RANBP17: variants seen among roughly 807,000 people sequenced by gnomAD.
RANBP17 encodes ran-binding protein 17.
A neutral mutation model predicts 141.2 loss-of-function variants in RANBP17; 158 were observed. The observed-to-expected ratio is 1.12, with a 90% confidence interval of 0.98 to 1.28. RANBP17 has a LOEUF of 1.28. Among genes scored for constraint, RANBP17 ranks in the 50% most tolerant of loss-of-function variants. The probability of loss-of-function intolerance (pLI) is 0.00; values close to 1 mark genes in which losing one functional copy is unlikely to be tolerated. For missense variants in RANBP17, 1,438 were observed against 1,290.7 expected (o/e 1.11, Z -1.75); for synonymous variants, 430 against 450.0 (o/e 0.96, Z 0.56).
intron 13 of RANBP17, among the ~76,000 whole-genome samples, chr5:170,964,266 A>G (rs1196690908): frequency 6.6e-6 from 1 of 152,182 alleles, no homozygotes; most frequent in Admixed American, 6.5e-5. Flanking sequence ...GAAATGACAT[A>G]TGCAAGATTG....
At chr5:171,276,272 A>G (rs1288663773) in intron 25 of RANBP17, among the ~76,000 whole-genome samples, 2 of 152,232 alleles carry the variant, frequency 1.3e-5, no homozygotes, top group Non-Finnish European at 2.9e-5. Context: ...TCTCTTTTAA[A>G]TTAGCTTTTG....
rs181894382 is a variant in RANBP17, at chr5:171,187,111, T to C, written c.2038+3681T>C. Among the ~76,000 whole-genome samples, 82 of 152,194 alleles carry C rather than the reference T, an allele frequency of 5.4e-4. 1 individual carries two copies. Among genetic ancestry groups the C allele is most frequent in the Non-Finnish European group, 1.0e-3 (70 of 68,014 alleles). ...CACAGGGTTATTAATTGGCCTAATA[T>C]CAATATTGTTGTGTCTCAGAAAATA... On this transcript the variant is annotated intron_variant, in intron 18 of 27. Coordinates refer to ENST00000523189, the MANE Select transcript of RANBP17 (RefSeq NM_022897.5).
intron 14 of RANBP17, among the ~76,000 whole-genome samples, chr5:171,141,062 T>C (rs1757656683): frequency 6.6e-6 from 1 of 152,214 alleles, no homozygotes; most frequent in East Asian, 1.9e-4. Flanking sequence ...CATCTCTACC[T>C]GATTCTTCCT....
At chr5:171,298,088 C>T (rs541868425) in intron 27 of RANBP17, among the ~76,000 whole-genome samples, 18 of 152,140 alleles carry the variant, frequency 1.2e-4, no homozygotes, top group African/African-American at 4.1e-4. Flanking sequence ...AAACTCCTGA[C>T]GTCAGGTGAT....
In RANBP17 at chr5:170,922,938, T is replaced by G. The variant is rs184482695; in HGVS notation, c.1275-1419T>G. 4.7e-3 allele frequency among the ~76,000 whole-genome samples: 721 copies of G among 152,286 alleles called. 4 individuals carry two copies. The highest frequency in any genetic ancestry group is 0.017 in the African/African-American group (699 of 41,554). ...GGGCTGCAGACCAGAGCTGTTCCTA[T>G]TTGGCCATCTTGGAAGCCCTCCGCC... On this transcript the variant is annotated intron_variant, in intron 11 of 27. Transcript: ENST00000523189.
intron 14 of RANBP17, among the ~76,000 whole-genome samples, chr5:171,094,892 G>A (rs757715446): frequency 1.2e-4 from 19 of 152,114 alleles, no homozygotes; most frequent in African/African-American, 4.6e-4. Flanking sequence ...CAAAGTTTGT[G>A]TGTTTGAAAC....
In RANBP17 at chr5:170,902,011, T is replaced by A. The variant is rs139346385; in HGVS notation, c.489+5896T>A. ...ACGATTATGTGTCTTGGGGTTGCTC[T>A]TCTCTAGGAGTATCTTTGTGATGTT... On this transcript the variant is annotated intron_variant, in intron 5 of 27. Transcript: ENST00000523189. Among the ~76,000 whole-genome samples the A allele has an allele frequency of 9.3e-3, 1,420 of 152,322 alleles. 17 individuals carry two copies. The highest frequency in any genetic ancestry group is 0.013 in the Non-Finnish European group (888 of 68,020).
chr5:171,080,351 GCT>G (rs1439009606), intron 14 of RANBP17, among the ~76,000 whole-genome samples: 1 of 152,026 alleles, frequency 6.6e-6, no homozygotes, highest in African/African-American at 2.4e-5. Context: ...AGGACAAAGT[GCT>G]CTGACCTGTT....
chr5:171,241,330 C>T (rs1474970353), intron 23 of RANBP17, among the ~76,000 whole-genome samples, 188 bp downstream of exon 23: 2 of 149,410 alleles, frequency 1.3e-5, no homozygotes, highest in African/African-American at 4.9e-5. Flanking sequence ...GCATCTCTGC[C>T]TGATTATATA....
At chr5:171,183,514 A>G in intron 18 of RANBP17, 84 bp downstream of exon 18, 1 of 861,584 alleles carries the variant, frequency 1.2e-6, no homozygotes, top group South Asian at 1.5e-5. Flanking sequence ...AGTGGGTACA[A>G]CATTTAACTT....
intron 14 of RANBP17, among the ~76,000 whole-genome samples, chr5:171,158,889 G>T (rs1346525412): frequency 6.6e-6 from 1 of 152,040 alleles, no homozygotes. Context: ...AGGTGTTGGG[G>T]GTTAAAACAT....
chr5:171,169,798 T>C (rs1759969991), intron 14 of RANBP17, among the ~76,000 whole-genome samples: 1 of 151,976 alleles, frequency 6.6e-6, no homozygotes, highest in South Asian at 2.1e-4. Flanking sequence ...TTTCCAGCCC[T>C]TTGCATACCT....
chr5:171,101,600 A>C (rs1172608008), intron 14 of RANBP17, among the ~76,000 whole-genome samples: 1 of 152,122 alleles, frequency 6.6e-6, no homozygotes, highest in Non-Finnish European at 1.5e-5. Context: ...TTTACATTTA[A>C]GGTTAATATT....
chr5:170,981,101 T>A (rs1777737608), intron 14 of RANBP17, among the ~76,000 whole-genome samples: 1 of 151,964 alleles, frequency 6.6e-6, no homozygotes, highest in African/African-American at 2.4e-5. Flanking sequence ...GGGGCATGTA[T>A]CCCCCTTTGT....
At chr5:171,271,075 C>CCTTTTTTTTTTTTTTTTTTTTTTTT (rs1767076411) in intron 25 of RANBP17, 2 of 27,540 alleles carry the variant, frequency 7.3e-5, no homozygotes, top group Non-Finnish European at 1.4e-4. Flanking sequence ...TATGTTATTT[C>CCTTTTTTTTTTTTTTTTTTTTTTTT]TTTTTTTTTT....
intron 14 of RANBP17, among the ~76,000 whole-genome samples, chr5:171,130,745 A>G (rs1037597118): frequency 1.4e-4 from 21 of 152,270 alleles, no homozygotes; most frequent in African/African-American, 5.1e-4. Context: ...TTTGTAAAAT[A>G]TGTCAGGTGC....
At chr5:170,999,632 G>C (rs1289307974) in intron 14 of RANBP17, among the ~76,000 whole-genome samples, 3 of 152,126 alleles carry the variant, frequency 2.0e-5, no homozygotes, top group African/African-American at 7.2e-5. Context: ...AATTCTCAAA[G>C]ATAATTGAAA....
chr5:171,076,528 T>C (rs1411970220), intron 14 of RANBP17, among the ~76,000 whole-genome samples: 1 of 152,178 alleles, frequency 6.6e-6, no homozygotes, highest in Non-Finnish European at 1.5e-5. Context: ...GAACAAGGGC[T>C]CCTGGGAGAA....
At chr5:171,008,965 C>T (rs1252142188) in intron 14 of RANBP17, among the ~76,000 whole-genome samples, 1 of 152,152 alleles carries the variant, frequency 6.6e-6, no homozygotes, top group Non-Finnish European at 1.5e-5. Flanking sequence ...TGCTCCTTTT[C>T]AATTTGTATA....
Sources: allele counts gnomAD v4.1 joint callset (sites outside exome capture counted in the v4.1 genomes callset), GRCh38; gene constraint gnomAD v4.1.1; transcripts MANE v1.5; gene names NCBI Gene and HGNC (gene_info 2026-07-23, HGNC 2026-07-21).